BICC1: variants seen among roughly 807,000 people sequenced by gnomAD.
The protein encoded by BICC1 is BicC family RNA binding protein 1, also known as protein bicaudal C homolog 1.
BICC1 carries 43 observed loss-of-function variants against 111.0 expected under a neutral mutation model. The observed-to-expected ratio is 0.39, with a 90% CI of 0.30 to 0.50. The LOEUF is 0.50. BICC1 is among the 20% of genes least tolerant of loss of function. BICC1 has a pLI of 0.88. For synonymous variants in BICC1, 467 were observed against 434.4 expected (o/e 1.07, Z -0.93); for missense variants, 1,091 against 1,203.2 (o/e 0.91, Z 1.38).
chr10:58,739,512 A>G (rs926035050), intron 3 of BICC1, among the ~76,000 whole-genome samples: 1 of 148,114 alleles, frequency 6.8e-6, no homozygotes, highest in Non-Finnish European at 1.5e-5. Context: ...TTTTGCATCG[A>G]TGGAGCTGAT....
In BICC1 at chr10:58,555,306, ATT is replaced by A. The variant is rs61692850; in HGVS notation, c.190+42000_190+42001del. Among the ~76,000 whole-genome samples, 498 of 102,434 alleles carry A rather than the reference ATT, an allele frequency of 4.9e-3. 1 individual carries two copies. Among genetic ancestry groups the A allele is most frequent in the African/African-American group, 0.019 (478 of 25,728 alleles). The allele number at this position is 102,434 out of a possible 152,430, so 67.2% of individuals were successfully genotyped here. A position where few individuals can be genotyped will look rare whatever the true frequency, so the allele number is the denominator to read the frequency against. On this transcript the variant is annotated intron_variant, in intron 1 of 20. Coordinates refer to ENST00000373886, the MANE Select transcript of BICC1 (RefSeq NM_001080512.3). ...CTGAAGAGAATAGAGGCTGTTGGAC[ATT>A]TTTTTTTTTTTTTTTTTTTTTTTTT...
chr10:58,584,459 T>C (rs1313114180), intron 1 of BICC1, among the ~76,000 whole-genome samples: 1 of 152,160 alleles, frequency 6.6e-6, no homozygotes, highest in Non-Finnish European at 1.5e-5. Flanking sequence ...GGTGCGCTCC[T>C]CTGACTGCTC....
intron 1 of BICC1, among the ~76,000 whole-genome samples, chr10:58,516,428 TAAAAG>T (rs1842243013): frequency 6.6e-6 from 1 of 152,132 alleles, no homozygotes; most frequent in Non-Finnish European, 1.5e-5. Context: ...CATTAAAACT[TAAAAG>T]AATTGTTGCA....
At chr10:58,547,267 C>G (rs1387284813) in intron 1 of BICC1, among the ~76,000 whole-genome samples, 1 of 152,134 alleles carries the variant, frequency 6.6e-6, no homozygotes, top group East Asian at 1.9e-4. Context: ...CTTGGCTCCT[C>G]TTGGCTGTGA....
intron 1 of BICC1, 66 bp downstream of exon 1, chr10:58,513,399 C>G (rs1842149530): frequency 1.4e-6 from 2 of 1,399,180 alleles, no homozygotes; most frequent in South Asian, 3.0e-5. Context: ...ACATCCCCAC[C>G]GCGCGCTCCG....
intron 3 of BICC1, among the ~76,000 whole-genome samples, chr10:58,774,403 G>A (rs1842697011): frequency 6.6e-6 from 1 of 152,168 alleles, no homozygotes; most frequent in African/African-American, 2.4e-5. Context: ...AGGAAGTTCT[G>A]ACTTGAATAC....
intron 2 of BICC1, among the ~76,000 whole-genome samples, chr10:58,666,660 G>A (rs753885099): frequency 6.6e-6 from 1 of 151,946 alleles, no homozygotes; most frequent in Non-Finnish European, 1.5e-5. Flanking sequence ...GTATGCTCTT[G>A]GGCAAGTTAC....
At chr10:58,572,878 A>G (rs1844002738) in intron 1 of BICC1, among the ~76,000 whole-genome samples, 1 of 152,162 alleles carries the variant, frequency 6.6e-6, no homozygotes, top group South Asian at 2.1e-4. Flanking sequence ...GTCATTAGGT[A>G]GTCTTCGATG....
At chr10:58,614,250 T>TGCCAGAAA (rs1845529848) in intron 1 of BICC1, among the ~76,000 whole-genome samples, 1 of 152,106 alleles carries the variant, frequency 6.6e-6, no homozygotes. Flanking sequence ...GTCCTTCAGG[T>TGCCAGAAA]GACCTGGCAT....
chr10:58,694,205 A>G (rs1840001452), intron 2 of BICC1, among the ~76,000 whole-genome samples: 1 of 151,688 alleles, frequency 6.6e-6, no homozygotes, highest in African/African-American at 2.4e-5. Context: ...CTGCACTTTC[A>G]CCTTTGTTGG....
chr10:58,594,174 G>T (rs974832408), intron 1 of BICC1, among the ~76,000 whole-genome samples: 1 of 151,812 alleles, frequency 6.6e-6, no homozygotes, highest in African/African-American at 2.4e-5. Context: ...CAAGATTAGA[G>T]AAAAAAGGAT....
At chr10:58,802,654 C>A (rs1843584907) in intron 14 of BICC1, among the ~76,000 whole-genome samples, 1 of 152,214 alleles carries the variant, frequency 6.6e-6, no homozygotes, top group Non-Finnish European at 1.5e-5. Context: ...TTGACTGGAT[C>A]TCTGTTTGGA....
At position 58,828,846 on chromosome 10, in the gene BICC1, C is replaced by T. The variant is rs777737636; in HGVS notation, c.2880C>T (p.Pro960=). The change falls in exon 21 of 21, where the codon CCC becomes CCT. Residue 960 remains proline (P), a synonymous_variant. Transcript: ENST00000373886. ...FLEGGASGRL[P]RQYHSDIASV... is the part of the protein sequence containing the mutation. ...AAGGTGGAGCGAGTGGAAGGCTACC[C>T]CGTCAGTATCACTCAGACATTGCTA... 1.2e-6 allele frequency: 2 copies of T among 1,613,860 alleles called. No individual in the cohort carries two copies. Among genetic ancestry groups the T allele is most frequent in the African/African-American group, 1.3e-5 (1 of 74,914 alleles).
chr10:58,769,404 G>GTGTATATATA (rs1050060686), intron 3 of BICC1, among the ~76,000 whole-genome samples: 7 of 109,746 alleles, frequency 6.4e-5, no homozygotes, highest in East Asian at 3.1e-4. Context: ...GTGTGTGTGT[G>GTGTATATATA]TATATATATA....
chr10:58,785,047 C>T lies in BICC1; in HGVS notation c.354C>T (p.Ala118=), dbSNP rs756427798. Residue 118 remains alanine (A), a synonymous_variant, in exon 4 of 21, where the codon GCC becomes GCT. Transcript: ENST00000373886. ...GAAAGAAAGAAGATGTTAAAGAAGC[C>T]AAGGAAATGATCATGTCTGTCTTAG... ...VSGKKEDVKE[A]KEMIMSVLDT... 10 of 1,596,940 alleles carry T rather than the reference C, an allele frequency of 6.3e-6. No individual in the cohort carries two copies. The South Asian group carries it at 9.0e-5, about 14-fold the overall frequency.
chr10:58,776,374 CA>C (rs1344790402), intron 3 of BICC1, among the ~76,000 whole-genome samples: 1 of 152,212 alleles, frequency 6.6e-6, no homozygotes, highest in Non-Finnish European at 1.5e-5. Flanking sequence ...AGACTGCAGG[CA>C]ATACCTCTGG....
At chr10:58,820,261 G>T (rs1296426819) in intron 19 of BICC1, 108 bp from the exon 20 acceptor site, 2 of 666,146 alleles carry the variant, frequency 3.0e-6, no homozygotes, top group Non-Finnish European at 5.1e-6. Context: ...TTTTCTGGAA[G>T]TAGGCAGAGC....
intron 3 of BICC1, among the ~76,000 whole-genome samples, chr10:58,728,844 G>C (rs1841196633): frequency 6.6e-6 from 1 of 152,042 alleles, no homozygotes; most frequent in Admixed American, 6.6e-5. Flanking sequence ...CAGGTGCATT[G>C]TCAATGAGCA....
rs763506926 is a variant in BICC1, at chr10:58,799,224, T to C, written c.1697T>C (p.Ile566Thr). The change falls in exon 12 of 21, where the codon ATC becomes ACC. Residue 566 changes from isoleucine to threonine, a missense_variant. By Grantham distance (89) the Ile-to-Thr change is moderately conservative. Coordinates refer to ENST00000373886, the MANE Select transcript of BICC1 (RefSeq NM_001080512.3). ...AGTATGCAGACCGAAGGCAAAAAAATCTCTGCTGCTTTAAATGGACATGCA... is the reference window on the plus strand; with the variant it reads ...AGTATGCAGACCGAAGGCAAAAAAACCTCTGCTGCTTTAAATGGACATGCA... ...INSMQTEGKK[I>T]SAALNGHAQS... 5.0e-6 allele frequency: 8 copies of C among 1,609,810 alleles called. No individual in the cohort carries two copies. In the East Asian group the frequency reaches 1.8e-4, roughly 36 times the overall value.
Sources: allele counts gnomAD v4.1 joint callset (sites outside exome capture counted in the v4.1 genomes callset), GRCh38; gene constraint gnomAD v4.1.1; transcripts MANE v1.5; gene names NCBI Gene and HGNC (gene_info 2026-07-23, HGNC 2026-07-21).